ANK2: variants seen among roughly 807,000 people sequenced by gnomAD.
ANK2 encodes the protein ankyrin-2.
In ANK2, 83 loss-of-function variants were observed where a neutral mutation model predicts 360.5. That is an observed-to-expected ratio of 0.23 (90% confidence interval 0.19 to 0.28). The LOEUF is 0.28. Ranked by LOEUF, ANK2 falls within the 10% of genes least tolerant of loss-of-function variation. ANK2 has a pLI of 1.00. For synonymous variants in ANK2, 1,740 were observed against 1,759.5 expected (o/e 0.99, Z 0.28); for missense variants, 4,201 against 4,795.7 (o/e 0.88, Z 3.66).
chr4:112,871,188 GT>G (rs759506409), intron 1 of ANK2, among the ~76,000 whole-genome samples: 1,613 of 144,674 alleles, frequency 0.011, 15 homozygotes, highest in Middle Eastern at 0.025. Flanking sequence ...TTAGCTTTTA[GT>G]TTTTTTTTTT....
intron 21 of ANK2, 86 bp downstream of exon 21, chr4:113,292,600 C>CAGACA: frequency 7.5e-7 from 1 of 1,337,784 alleles, no homozygotes; most frequent in Non-Finnish European, 1.0e-6. Context: ...TGAGTGAGGT[C>CAGACA]AGATTCCTCC....
chr4:112,996,639 G>A (rs983510582), intron 2 of ANK2, among the ~76,000 whole-genome samples: 1 of 151,594 alleles, frequency 6.6e-6, no homozygotes, highest in African/African-American at 2.4e-5. Flanking sequence ...ATATTTATGG[G>A]GTACATGTGA....
chr4:113,199,121 A>G lies in ANK2; in HGVS notation c.384+12A>G, dbSNP rs771766634. 6.3e-7 allele frequency: 1 copy of G among 1,584,982 alleles called. No homozygotes were observed. Among genetic ancestry groups the G allele is most frequent in the South Asian group, 1.1e-5 (1 of 90,458 alleles). On this transcript the variant is annotated intron_variant, in intron 4 of 45. Transcript: ENST00000357077. ...ATGCACAGTCTCAGGTATTCCATTC[A>G]GATTTTCCCTGATGTACATACATTT... is the stretch of plus-strand genomic sequence containing the variant.
chr4:112,834,680 T>A (rs1286937949), intron 1 of ANK2, among the ~76,000 whole-genome samples: 1 of 152,210 alleles, frequency 6.6e-6, no homozygotes, highest in Non-Finnish European at 1.5e-5. Flanking sequence ...CTTAGTATAA[T>A]CCAATATCCA....
chr4:113,228,828 T>A (rs538398098), intron 4 of ANK2, among the ~76,000 whole-genome samples: 56 of 152,340 alleles, frequency 3.7e-4, no homozygotes, highest in African/African-American at 1.1e-3. Flanking sequence ...TATTTTTTTT[T>A]AAATTAAAAA....
chr4:112,735,441 C>T, the ANK2 span, among the ~76,000 whole-genome samples: 3 of 152,208 alleles, frequency 2.0e-5, no homozygotes, highest in African/African-American at 7.2e-5. Context: ...TGGGTTCCTT[C>T]ATATCCCCCA....
chr4:112,804,867 C>T, the ANK2 span, among the ~76,000 whole-genome samples: 1 of 151,534 alleles, frequency 6.6e-6, no homozygotes, highest in Non-Finnish European at 1.5e-5. Flanking sequence ...GAGGCTGAGG[C>T]GGGAGGATTG....
chr4:113,277,849 C>G lies in ANK2; in HGVS notation c.1696C>G (p.Pro566Ala), dbSNP rs2060790981. 6.2e-7 allele frequency: 1 copy of G among 1,613,238 alleles called. No homozygotes were observed. Among genetic ancestry groups the G allele is most frequent in the Non-Finnish European group, 8.5e-7 (1 of 1,179,220 alleles). ...CTCACATTTTCAGAAGGGTTTTACT[C>G]CCCTGCATGTAGCAGCCAAGTATGG... ...HSLATKKGFT[P>A]LHVAAKYGSL... is the part of the protein sequence containing the mutation. Residue 566 changes from proline to alanine, a missense_variant, in exon 16 of 46, where the codon CCC (proline) becomes GCC (alanine). Pro to Ala is a conservative substitution (Grantham distance 27). Transcript: ENST00000357077.
At chr4:113,352,138 C>G (rs943477869) in intron 37 of ANK2, among the ~76,000 whole-genome samples, 1 of 152,204 alleles carries the variant, frequency 6.6e-6, no homozygotes, top group African/African-American at 2.4e-5. Flanking sequence ...GCCGCCTCTC[C>G]CAGCCGTTTT....
the ANK2 span, among the ~76,000 whole-genome samples, chr4:112,760,646 C>T: frequency 6.6e-6 from 1 of 151,820 alleles, no homozygotes; most frequent in South Asian, 2.1e-4. Context: ...CACCCATTAA[C>T]TCGTCATTTA....
chr4:113,229,786 C>T (rs1480370471), intron 4 of ANK2, among the ~76,000 whole-genome samples: 1 of 152,174 alleles, frequency 6.6e-6, no homozygotes, highest in Non-Finnish European at 1.5e-5. Context: ...GGTCCTTTCT[C>T]AGGCAGGGAC....
rs772480764 is a variant in ANK2, at chr4:113,282,860, C to A, written c.2067C>A (p.His689Gln). 6 of 1,613,930 alleles carry A rather than the reference C, an allele frequency of 3.7e-6. No individual in the cohort carries two copies. Among genetic ancestry groups the A allele is most frequent in the Non-Finnish European group, 5.1e-6 (6 of 1,179,906 alleles). Residue 689 changes from histidine to glutamine, a missense_variant, in exon 18 of 46, where the codon CAC (histidine) becomes CAA (glutamine). Coordinates refer to ENST00000357077, the MANE Select transcript of ANK2 (RefSeq NM_001148.6). ...TTCTGGATAAGGGAGCCAATATCCA[C>A]ATGTCAACTAAGGTATTCTGTCCTT... is the stretch of plus-strand genomic sequence containing the variant. ...TLLLDKGANIHMSTKSGLTSL... is the reference protein window; with the variant it reads ...TLLLDKGANIQMSTKSGLTSL...
At chr4:113,122,568 A>G (rs1326563882) in intron 1 of ANK2, among the ~76,000 whole-genome samples, 2 of 152,108 alleles carry the variant, frequency 1.3e-5, no homozygotes, top group South Asian at 2.1e-4. Flanking sequence ...CAGAAACCAC[A>G]TTAACATAAA....
chr4:112,861,256 A>G (rs2067925127), intron 1 of ANK2, among the ~76,000 whole-genome samples: 1 of 152,198 alleles, frequency 6.6e-6, no homozygotes, highest in Admixed American at 6.5e-5. Context: ...TTGGGTTTTT[A>G]TCTTATTAGA....
chr4:112,721,466 C>CA, the ANK2 span, among the ~76,000 whole-genome samples: 1 of 147,792 alleles, frequency 6.8e-6, no homozygotes, highest in Admixed American at 7.0e-5. Context: ...CGTTTGAACC[C>CA]AGGAGGTGGA....
intron 5 of ANK2, among the ~76,000 whole-genome samples, chr4:113,234,513 C>T (rs1169221109): frequency 6.6e-6 from 1 of 152,078 alleles, no homozygotes; most frequent in East Asian, 1.9e-4. Flanking sequence ...CAAATCTTTA[C>T]ATATTCCTTT....
At chr4:113,283,764 A>T (rs1467805014) in intron 18 of ANK2, among the ~76,000 whole-genome samples, 1 of 152,166 alleles carries the variant, frequency 6.6e-6, no homozygotes, top group Admixed American at 6.6e-5. Flanking sequence ...TGATGTCTTG[A>T]TGCTTTTTGT....
chr4:113,379,944 G>C (rs2097109138), intron 45 of ANK2, among the ~76,000 whole-genome samples: 1 of 152,180 alleles, frequency 6.6e-6, no homozygotes, highest in Non-Finnish European at 1.5e-5. Context: ...TACAAAAACT[G>C]ATCATTTCCT....
intron 13 of ANK2, among the ~76,000 whole-genome samples, chr4:113,263,912 C>T (rs1168530967): frequency 5.3e-5 from 8 of 152,044 alleles, no homozygotes; most frequent in East Asian, 1.9e-4. Context: ...GAGTAATAAC[C>T]GGCTACTTGA....
Sources: gnomAD v4.1 joint callset for allele counts (sites outside exome capture counted in the v4.1 genomes callset) on GRCh38, gnomAD v4.1.1 for gene constraint, MANE v1.5 for transcripts, NCBI Gene and HGNC (gene_info 2026-07-23, HGNC 2026-07-21) for gene names.